The following ALDH8A1 variants were observed in gnomAD, a reference collection of about 807,000 sequenced individuals.
The protein encoded by ALDH8A1 is aldehyde dehydrogenase 8 family member A1.
A neutral mutation model predicts 43.3 loss-of-function variants in ALDH8A1; 39 were observed. The ratio of observed to expected loss-of-function variants is 0.90; its 90% CI spans 0.70 to 1.18. The LOEUF (loss-of-function observed/expected upper bound fraction) is 1.18, where lower values mean the gene tolerates loss of function less well. Among genes scored for constraint, ALDH8A1 ranks in the 50% most tolerant of loss-of-function variants. The pLI, the probability that ALDH8A1 is intolerant of heterozygous loss-of-function variation, is 0.00. For missense variants in ALDH8A1, 605 were observed against 622.6 expected (o/e 0.97, Z 0.30); for synonymous variants, 233 against 243.5 (o/e 0.96, Z 0.40).
rs1050633764 is a variant in ALDH8A1 at position 134,925,935 on chromosome 6, A to T, written c.1011+3119T>A. Reference sequence around the variant, plus strand: ...ACAAGAGCAAGGGCCAAGAAGGAGGAGGGTGCCTGGTATTTTCCAGGAAGA... The same window carrying T: ...ACAAGAGCAAGGGCCAAGAAGGAGGTGGGTGCCTGGTATTTTCCAGGAAGA... On this transcript the variant is annotated intron_variant, in intron 6 of 6. Transcript: ENST00000265605. Among the ~76,000 whole-genome samples the T allele has an allele frequency of 7.9e-5, 12 of 151,836 alleles. 1 individual carries two copies. The highest frequency in any genetic ancestry group is 2.0e-4 in the Admixed American group (3 of 15,240).
At chr6:134,927,373 T>C (rs1170666612) in intron 6 of ALDH8A1, among the ~76,000 whole-genome samples, 2 of 152,122 alleles carry the variant, frequency 1.3e-5, no homozygotes, top group Non-Finnish European at 2.9e-5. Flanking sequence ...ATCAAAAATA[T>C]TGTATGAAAG....
intron 6 of ALDH8A1, among the ~76,000 whole-genome samples, chr6:134,919,165 G>A (rs1776757480): frequency 6.6e-6 from 1 of 152,126 alleles, no homozygotes; most frequent in Non-Finnish European, 1.5e-5. Context: ...AACATTATTA[G>A]CTATTGTTAA....
Position 134,936,013 on chromosome 6 carries a change from G to A in ALDH8A1, c.593-2981C>T, listed in dbSNP as rs924506501. Among the ~76,000 whole-genome samples the A allele has an allele frequency of 3.3e-5, 5 of 151,196 alleles. No individual in the cohort carries two copies. The East Asian group carries it at 5.9e-4, about 18-fold the overall frequency. ...GTCACCCAGGCTGGAGTGCAAAGGC[G>A]CAATCTCTGCTCTCTGCAACCTCCG... On this transcript the variant is annotated intron_variant, in intron 4 of 6. Transcript: ENST00000265605.
At chr6:134,925,547 A>G (rs189297937) in intron 6 of ALDH8A1, among the ~76,000 whole-genome samples, 23 of 152,330 alleles carry the variant, frequency 1.5e-4, no homozygotes, top group Admixed American at 1.2e-3. Context: ...TGGAGGATAT[A>G]TTGTAACTGG....
chr6:134,927,727 G>C (rs1776909421), intron 6 of ALDH8A1, among the ~76,000 whole-genome samples: 1 of 152,184 alleles, frequency 6.6e-6, no homozygotes, highest in Non-Finnish European at 1.5e-5. Context: ...ACCTCACACT[G>C]AAGTACTGCC....
At chr6:134,940,335 C>T in intron 3 of ALDH8A1, 1 of 199,806 alleles carries the variant, frequency 5.0e-6, no homozygotes, top group Non-Finnish European at 1.1e-5. Context: ...AAAATGTCTC[C>T]TTCCCCATTA....
At chr6:134,948,475 AT>A (rs1773990955) in intron 1 of ALDH8A1, among the ~76,000 whole-genome samples, 3 of 152,204 alleles carry the variant, frequency 2.0e-5, no homozygotes, top group African/African-American at 7.2e-5. Context: ...ATGTATCAAA[AT>A]GTCACATATG....
At position 134,942,477 on chromosome 6, in the gene ALDH8A1, G is replaced by C; in HGVS notation, c.374C>G (p.Thr125Arg). The stretch of plus-strand genomic sequence containing the variant: ...GTGGTCCATCTGCGTGCACTCTGAC[G>C]TGTGGTGCAGGCTGGAGGAAGCGAA... Reference protein sequence around the residue: ...RFFASSSLHHTSECTQMDHLG... With the variant: ...RFFASSSLHHRSECTQMDHLG... Residue 125 changes from threonine (T) to arginine (R), a missense_variant, in exon 3 of 7, where the codon ACG (threonine) becomes AGG (arginine). By Grantham distance (71) the Thr-to-Arg change is moderately conservative (BLOSUM62 -1). Transcript: ENST00000265605. 1 of 1,614,190 alleles carries C rather than the reference G, an allele frequency of 6.2e-7. No individual in the cohort carries two copies. The highest frequency in any genetic ancestry group is 1.7e-5 in the Admixed American group (1 of 60,024).
At chr6:134,940,218 G>A in intron 3 of ALDH8A1, 1 of 357,564 alleles carries the variant, frequency 2.8e-6, no homozygotes, top group South Asian at 2.1e-5. Context: ...CGTGTACCCT[G>A]GAACTTCAAA....
intron 1 of ALDH8A1, among the ~76,000 whole-genome samples, chr6:134,947,219 A>G (rs1401497873): frequency 6.6e-6 from 1 of 152,188 alleles, no homozygotes. Context: ...CACCAAAACA[A>G]ATCAAAACAG....
rs779207792 is a variant in ALDH8A1 at position 134,918,902 on chromosome 6, AC to A, written c.1012-36del. Reference sequence around the variant, plus strand: ...TAAAAATCATAATTAGCAATGTCTTACCATGTGGCTTCACACAAATCAGCAG... The same window carrying A: ...TAAAAATCATAATTAGCAATGTCTTACATGTGGCTTCACACAAATCAGCAG... On this transcript the variant is annotated intron_variant, in intron 6 of 6. Coordinates refer to ENST00000265605, the MANE Select transcript of ALDH8A1 (RefSeq NM_022568.4). 39 of 1,594,654 alleles carry A rather than the reference AC, an allele frequency of 2.4e-5. No individual in the cohort carries two copies. The African/African-American group carries it at 3.9e-4, about 16-fold the overall frequency.
intron 6 of ALDH8A1, among the ~76,000 whole-genome samples, chr6:134,925,427 G>A (rs768953992): frequency 9.9e-5 from 15 of 152,178 alleles, no homozygotes; most frequent in Admixed American, 3.3e-4. Flanking sequence ...TTTTCCTTTC[G>A]GAGTCTTGAT....
chr6:134,922,751 A>G (rs1776825370), intron 6 of ALDH8A1, among the ~76,000 whole-genome samples: 1 of 152,118 alleles, frequency 6.6e-6, no homozygotes, highest in Non-Finnish European at 1.5e-5. Context: ...GGAATTTTGG[A>G]GCTTTCTGAG....
At chr6:134,949,150 A>G (rs1176755860) in intron 1 of ALDH8A1, among the ~76,000 whole-genome samples, 2 of 152,222 alleles carry the variant, frequency 1.3e-5, no homozygotes, top group Non-Finnish European at 2.9e-5. Flanking sequence ...CTTAAAAAGA[A>G]TAAATTATAA....
intron 4 of ALDH8A1, among the ~76,000 whole-genome samples, chr6:134,934,397 A>G (rs1395444391): frequency 6.6e-6 from 1 of 152,166 alleles, no homozygotes; most frequent in Non-Finnish European, 1.5e-5. Flanking sequence ...TGAAACTGCA[A>G]CCAAATTTTC....
At chr6:134,940,025 A>C (rs1316841168) in intron 3 of ALDH8A1, among the ~76,000 whole-genome samples, 1 of 152,220 alleles carries the variant, frequency 6.6e-6, no homozygotes, top group African/African-American at 2.4e-5. Flanking sequence ...CTGAACAATG[A>C]GAACACATGG....
intron 1 of ALDH8A1, among the ~76,000 whole-genome samples, chr6:134,947,147 T>C (rs561751264): frequency 2.0e-3 from 304 of 152,248 alleles, no homozygotes; most frequent in African/African-American, 7.0e-3. Flanking sequence ...GTCTCTCCAA[T>C]AAATGGTGCT....
chr6:134,935,180 C>G (rs1488461035), intron 4 of ALDH8A1, among the ~76,000 whole-genome samples: 3 of 152,200 alleles, frequency 2.0e-5, no homozygotes, highest in Non-Finnish European at 2.9e-5. Flanking sequence ...AATGCATGAA[C>G]CTTATGATTC....
intron 1 of ALDH8A1, among the ~76,000 whole-genome samples, chr6:134,946,334 G>A (rs62429559): frequency 2.0e-5 from 3 of 152,172 alleles, no homozygotes; most frequent in African/African-American, 7.2e-5. Flanking sequence ...AAGCCCCACT[G>A]CCAGCCAGCA....
Sources: gnomAD v4.1 joint callset for allele counts (sites outside exome capture counted in the v4.1 genomes callset) on GRCh38, gnomAD v4.1.1 for gene constraint, MANE v1.5 for transcripts, NCBI Gene and HGNC (gene_info 2026-07-23, HGNC 2026-07-21) for gene names.